The following CTNNA2 variants were observed in gnomAD, a reference collection of about 807,000 sequenced individuals.
The protein encoded by CTNNA2 is catenin alpha-2.
Under a neutral mutation model 101.0 loss-of-function variants are expected in CTNNA2, and 42 were observed. That is an observed-to-expected ratio of 0.42 (90% CI 0.32 to 0.54). CTNNA2 has a LOEUF of 0.54. Among genes scored for constraint, CTNNA2 ranks in the 20% least tolerant of loss-of-function variants. CTNNA2 has a pLI of 0.14. For missense variants in CTNNA2, 871 were observed against 1,223.1 expected, an observed-to-expected ratio of 0.71 and a Z score of 4.29; for synonymous variants, 450 against 456.4, an observed-to-expected ratio of 0.99 and a Z score of 0.18.
At chr2:79,222,187 C>T (rs188879762) in intron 2 of CTNNA2, among the ~76,000 whole-genome samples, 13 of 152,258 alleles carry the variant, frequency 8.5e-5, no homozygotes, top group Admixed American at 8.5e-4. Flanking sequence ...CCTCGAGACA[C>T]CAGGCAGGCG....
chr2:79,685,870 G>C (rs1333808139), intron 2 of CTNNA2, among the ~76,000 whole-genome samples: 1 of 152,144 alleles, frequency 6.6e-6, no homozygotes, highest in Non-Finnish European at 1.5e-5. Flanking sequence ...AGGATACTGA[G>C]AAGCAAATGG....
chr2:80,543,326 A>G (rs1320467877), intron 9 of CTNNA2, among the ~76,000 whole-genome samples: 1 of 152,196 alleles, frequency 6.6e-6, no homozygotes, highest in Non-Finnish European at 1.5e-5. Flanking sequence ...CTTCCTGCCC[A>G]TGGCATGCAG....
chr2:79,307,077 T>A (rs1050517918), intron 2 of CTNNA2, among the ~76,000 whole-genome samples: 2 of 145,568 alleles, frequency 1.4e-5, no homozygotes, highest in Non-Finnish European at 3.0e-5. Context: ...TACTTAATAA[T>A]TTTTTGGTTT....
intron 7 of CTNNA2, among the ~76,000 whole-genome samples, chr2:80,156,679 A>G (rs531673399): frequency 6.6e-6 from 1 of 152,238 alleles, no homozygotes; most frequent in Non-Finnish European, 1.5e-5. Flanking sequence ...CTCATTAGCC[A>G]TGACTGCTCT....
At chr2:80,647,510 G>A (rs186367581) in intron 18 of CTNNA2, 75 bp from the exon 19 acceptor site, 60 of 1,214,506 alleles carry the variant, frequency 4.9e-5, no homozygotes, top group African/African-American at 2.6e-4. Context: ...TATTTTAACC[G>A]TGAAAGTACA....
chr2:79,396,683 C>T (rs2104476920), intron 4 of CTNNA2, among the ~76,000 whole-genome samples: 1 of 152,212 alleles, frequency 6.6e-6, no homozygotes, highest in South Asian at 2.1e-4. Flanking sequence ...TTAAGGCTTT[C>T]CTGATGCTAT....
At chr2:79,282,857 A>G (rs113855538) in intron 2 of CTNNA2, among the ~76,000 whole-genome samples, 19,388 of 95,748 alleles carry the variant, frequency 0.2, 4,509 homozygotes, top group Middle Eastern at 0.3. Flanking sequence ...TGGTTGAACT[A>G]GTTTACAGGC....
chr2:80,008,210 T>C (rs1693514045), intron 7 of CTNNA2, among the ~76,000 whole-genome samples: 1 of 152,186 alleles, frequency 6.6e-6, no homozygotes, highest in Non-Finnish European at 1.5e-5. Context: ...ACTTTTGCAG[T>C]TACCTCTTTG....
chr2:80,036,786 A>G (rs1433824313), intron 7 of CTNNA2, among the ~76,000 whole-genome samples: 2 of 151,254 alleles, frequency 1.3e-5, no homozygotes, highest in Non-Finnish European at 2.9e-5. Context: ...AGAGAATACC[A>G]TTCACAGTCA....
chr2:79,852,544 A>G (rs1252037027), intron 3 of CTNNA2, among the ~76,000 whole-genome samples: 2 of 152,174 alleles, frequency 1.3e-5, no homozygotes, highest in African/African-American at 4.8e-5. Flanking sequence ...AATACTTGCC[A>G]TTGCTGAAAG....
intron 7 of CTNNA2, among the ~76,000 whole-genome samples, chr2:80,358,848 A>G (rs1242060971): frequency 6.6e-6 from 1 of 152,126 alleles, no homozygotes; most frequent in Admixed American, 6.5e-5. Context: ...TTTGAAATAT[A>G]ACAAACGGAA....
intron 7 of CTNNA2, among the ~76,000 whole-genome samples, chr2:79,981,323 A>G (rs1330211275): frequency 6.6e-6 from 1 of 152,192 alleles, no homozygotes; most frequent in African/African-American, 2.4e-5. Flanking sequence ...CCGGTTACCT[A>G]CTTGCATCCT....
At chr2:80,453,630 C>T (rs914459567) in intron 9 of CTNNA2, among the ~76,000 whole-genome samples, 1 of 152,086 alleles carries the variant, frequency 6.6e-6, no homozygotes, top group Non-Finnish European at 1.5e-5. Context: ...GAGCTAGCAA[C>T]GTGCTTAAAT....
At chr2:79,913,697 T>G (rs944616392) in intron 7 of CTNNA2, among the ~76,000 whole-genome samples, 3 of 152,180 alleles carry the variant, frequency 2.0e-5, no homozygotes, top group African/African-American at 7.2e-5. Flanking sequence ...AAATAAAATT[T>G]GCTTATAAAT....
chr2:79,190,306 G>A (rs1260424549), intron 1 of CTNNA2, among the ~76,000 whole-genome samples: 3 of 151,878 alleles, frequency 2.0e-5, no homozygotes, highest in Non-Finnish European at 4.4e-5. Flanking sequence ...GGAGATTATA[G>A]GCAGATTTTG....
chr2:80,513,099 T>G (rs1431285799), intron 9 of CTNNA2, among the ~76,000 whole-genome samples: 1 of 152,202 alleles, frequency 6.6e-6, no homozygotes, highest in Non-Finnish European at 1.5e-5. Flanking sequence ...TAAAGACACA[T>G]CCTTTGCTTT....
chr2:79,207,461 A>C (rs1017047226), intron 2 of CTNNA2, among the ~76,000 whole-genome samples: 3 of 152,134 alleles, frequency 2.0e-5, no homozygotes, highest in Non-Finnish European at 4.4e-5. Context: ...AAATAATATG[A>C]GAGTTTCTGA....
intron 6 of CTNNA2, among the ~76,000 whole-genome samples, chr2:79,882,052 C>T (rs1465075731): frequency 1.3e-5 from 2 of 151,798 alleles, no homozygotes; most frequent in South Asian, 2.1e-4. Flanking sequence ...TTTTATTTCT[C>T]CTTTGCTTAT....
chr2:79,437,217 A>G (rs1223196609), intron 4 of CTNNA2, among the ~76,000 whole-genome samples: 4 of 144,682 alleles, frequency 2.8e-5, no homozygotes, highest in Admixed American at 7.1e-5. Context: ...CTAGGCAACA[A>G]GAGTGAAACT....
Sources: gnomAD v4.1 joint callset for allele counts (sites outside exome capture counted in the v4.1 genomes callset) on GRCh38, gnomAD v4.1.1 for gene constraint, MANE v1.5 for transcripts, NCBI Gene and HGNC (gene_info 2026-07-23, HGNC 2026-07-21) for gene names.